Variants in STAU2 observed in about 807,000 individuals in gnomAD.
STAU2 encodes staufen double-stranded RNA binding protein 2, also known as double-stranded RNA-binding protein Staufen homolog 2.
STAU2 carries 20 observed loss-of-function variants against 65.9 expected under a neutral mutation model. The ratio of observed to expected loss-of-function variants is 0.30; its 90% CI spans 0.21 to 0.44. STAU2 has a LOEUF of 0.44. Ranked by LOEUF, STAU2 falls within the 20% of genes least tolerant of loss-of-function variation. STAU2 has a pLI of 1.00. For missense variants in STAU2, 558 were observed against 683.9 expected, an observed-to-expected ratio of 0.82 and a Z score of 2.05; for synonymous variants, 232 against 233.9, an observed-to-expected ratio of 0.99 and a Z score of 0.07.
Position 73,550,167 on chromosome 8 carries a change from C to T in STAU2, c.1530+1845G>A, listed in dbSNP as rs890735896. 9.1e-6 allele frequency: 9 copies of T among 985,270 alleles called. No homozygotes were observed. The South Asian group carries it at 4.2e-4, about 46-fold the overall frequency. The allele number at this position is 985,270 out of a possible 1,614,324, so 61.0% of individuals were successfully genotyped here. ...AAGCACAGTAATATTTTAAAATCAC[C>T]TGTTTATATTCATTAGTATGTAAAA... On this transcript the variant is annotated intron_variant, in intron 13 of 14. Coordinates refer to ENST00000524300, the MANE Select transcript of STAU2 (RefSeq NM_001164380.2).
chr8:73,706,233 C>A (rs1820493907), intron 4 of STAU2, among the ~76,000 whole-genome samples: 1 of 152,168 alleles, frequency 6.6e-6, no homozygotes, highest in Non-Finnish European at 1.5e-5. Flanking sequence ...TCTCCTGCCT[C>A]AGCCTCCCGA....
chr8:73,651,687 G>T, intron 6 of STAU2: 1 of 476,388 alleles, frequency 2.1e-6, no homozygotes, highest in South Asian at 2.0e-5. Context: ...AGCCTCTGGC[G>T]TACCACCCCC....
intron 13 of STAU2, among the ~76,000 whole-genome samples, chr8:73,463,609 A>G (rs1226496793): frequency 6.6e-6 from 1 of 152,240 alleles, no homozygotes; most frequent in Non-Finnish European, 1.5e-5. Context: ...CTGATGTGCA[A>G]TCCAACATTT....
intron 6 of STAU2, among the ~76,000 whole-genome samples, chr8:73,648,310 G>A (rs28621970): frequency 0.014 from 2,101 of 152,228 alleles, 21 homozygotes; most frequent in Non-Finnish European, 0.021. Context: ...TTACTTCACA[G>A]TATCCAAAAT....
chr8:73,711,223 T>C (rs1027242321), intron 3 of STAU2, among the ~76,000 whole-genome samples: 1 of 150,152 alleles, frequency 6.7e-6, no homozygotes, highest in African/African-American at 2.4e-5. Context: ...TGAGAAAACC[T>C]GCATTTTACC....
At chr8:73,483,146 G>A (rs529227216) in intron 13 of STAU2, among the ~76,000 whole-genome samples, 2 of 152,174 alleles carry the variant, frequency 1.3e-5, no homozygotes, top group East Asian at 3.9e-4. Context: ...CATAAAAATG[G>A]AGTTACAGAA....
intron 13 of STAU2, among the ~76,000 whole-genome samples, chr8:73,424,916 G>A (rs1208611562): frequency 6.6e-6 from 1 of 152,052 alleles, no homozygotes; most frequent in Non-Finnish European, 1.5e-5. Context: ...GGGAGGATGT[G>A]GTGCTCAAGT....
chr8:73,546,598 A>C (rs1274656505), intron 13 of STAU2, among the ~76,000 whole-genome samples: 2 of 152,156 alleles, frequency 1.3e-5, no homozygotes, highest in African/African-American at 4.8e-5. Flanking sequence ...TGCCCCTGTT[A>C]TGTCAGAGCA....
intron 12 of STAU2, among the ~76,000 whole-genome samples, chr8:73,577,344 A>G (rs1809643255): frequency 6.6e-6 from 1 of 151,650 alleles, no homozygotes; most frequent in East Asian, 1.9e-4. Context: ...AGGAGAGGGC[A>G]TGAACCCGGG....
chr8:73,496,154 T>C (rs1459569707), intron 13 of STAU2, among the ~76,000 whole-genome samples: 1 of 151,428 alleles, frequency 6.6e-6, no homozygotes, highest in Non-Finnish European at 1.5e-5. Context: ...GTGGTAGGTA[T>C]GTGGGTATTC....
intron 13 of STAU2, among the ~76,000 whole-genome samples, chr8:73,450,042 G>A (rs1041305538): frequency 6.6e-6 from 1 of 152,210 alleles, no homozygotes; most frequent in African/African-American, 2.4e-5. Context: ...AGGGATCAGT[G>A]GACAACCAAA....
At chr8:73,695,255 C>T (rs1333468808) in intron 4 of STAU2, among the ~76,000 whole-genome samples, 1 of 152,198 alleles carries the variant, frequency 6.6e-6, no homozygotes, top group Non-Finnish European at 1.5e-5. Flanking sequence ...CTTTGTCTTG[C>T]ATTTTGGATA....
intron 12 of STAU2, among the ~76,000 whole-genome samples, chr8:73,566,099 C>A (rs1808586973): frequency 6.6e-6 from 1 of 152,204 alleles, no homozygotes; most frequent in East Asian, 1.9e-4. Flanking sequence ...AGCAGATATT[C>A]TCCTTATCAT....
At chr8:73,676,351 C>T (rs1818027021) in intron 5 of STAU2, among the ~76,000 whole-genome samples, 1 of 152,146 alleles carries the variant, frequency 6.6e-6, no homozygotes, top group African/African-American at 2.4e-5. Context: ...AATGAATGTC[C>T]ATATATTTTT....
At chr8:73,433,704 T>C (rs1172436635) in intron 13 of STAU2, among the ~76,000 whole-genome samples, 2 of 151,928 alleles carry the variant, frequency 1.3e-5, no homozygotes, top group African/African-American at 2.4e-5. Flanking sequence ...TTTCGCCATG[T>C]TGGCCAGGCT....
chr8:73,591,985 A>C (rs1810852653), intron 11 of STAU2, among the ~76,000 whole-genome samples: 1 of 151,104 alleles, frequency 6.6e-6, no homozygotes, highest in Non-Finnish European at 1.5e-5. Flanking sequence ...CTTAAAGAAA[A>C]ATTCACAGCA....
intron 13 of STAU2, among the ~76,000 whole-genome samples, chr8:73,463,946 T>G (rs959567920): frequency 6.6e-6 from 1 of 152,162 alleles, no homozygotes; most frequent in African/African-American, 2.4e-5. Flanking sequence ...TACAAAAGAC[T>G]TCAAAGTGGT....
intron 13 of STAU2, among the ~76,000 whole-genome samples, chr8:73,441,895 T>C (rs1818171376): frequency 6.6e-6 from 1 of 152,240 alleles, no homozygotes; most frequent in Non-Finnish European, 1.5e-5. Context: ...TGGAAGAAAC[T>C]TTATTAGGAC....
intron 6 of STAU2, among the ~76,000 whole-genome samples, chr8:73,647,389 A>G (rs749673068): frequency 2.0e-5 from 3 of 152,228 alleles, no homozygotes; most frequent in Non-Finnish European, 2.9e-5. Context: ...ACTCAAAAAC[A>G]TAGAATACTA....
Sources: gnomAD v4.1 joint callset for allele counts (sites outside exome capture counted in the v4.1 genomes callset) on GRCh38, gnomAD v4.1.1 for gene constraint, MANE v1.5 for transcripts, NCBI Gene and HGNC (gene_info 2026-07-23, HGNC 2026-07-21) for gene names.